MFSD6: variants seen among roughly 807,000 people sequenced by gnomAD.
MFSD6 encodes the protein major facilitator superfamily domain-containing protein 6.
A neutral mutation model predicts 56.3 loss-of-function variants in MFSD6; 26 were observed. That is an observed-to-expected ratio of 0.46 (90% CI 0.34 to 0.64). The LOEUF (loss-of-function observed/expected upper bound fraction) is 0.64. Ranked by LOEUF, MFSD6 falls within the 30% of genes least tolerant of loss-of-function variation. The pLI, the probability that MFSD6 is intolerant of heterozygous loss-of-function variation, is 0.01. For synonymous variants in MFSD6, 331 were observed against 366.9 expected (o/e 0.90, Z 1.12); for missense variants, 750 against 986.2 (o/e 0.76, Z 3.21).
At chr2:190,480,737 A>C (rs189164302) in intron 4 of MFSD6, among the ~76,000 whole-genome samples, 9 of 152,318 alleles carry the variant, frequency 5.9e-5, no homozygotes, top group Admixed American at 3.9e-4. Context: ...AATCTCTCTA[A>C]GCCACAGACT....
In MFSD6 at chr2:190,451,111, C is replaced by T. The variant is rs1365818108; in HGVS notation, c.1532+13550C>T. 6.6e-6 allele frequency among the ~76,000 whole-genome samples: 1 copy of T among 152,168 alleles called. No homozygotes were observed. The highest frequency in any genetic ancestry group is 1.5e-5 in the Non-Finnish European group (1 of 68,026). ...AGTAGTGTAGTAGTTACCCTGTTTT[C>T]TTTTTTCCTTCTTTTTGCCAATTTG... On this transcript the variant is annotated intron_variant, in intron 3 of 7. Transcript: ENST00000392328. This position sits in a 1 kb window ranked among gnomAD's most constrained non-coding sequence, Gnocchi z 5.0.
intron 3 of MFSD6, among the ~76,000 whole-genome samples, chr2:190,440,662 T>A (rs910143737): frequency 1.3e-5 from 2 of 152,232 alleles, no homozygotes; most frequent in East Asian, 3.8e-4. Flanking sequence ...TTAAATTTAT[T>A]TACATTTTAA....
intron 4 of MFSD6, among the ~76,000 whole-genome samples, chr2:190,472,257 T>G (rs1408516803): frequency 2.0e-5 from 3 of 152,084 alleles, no homozygotes; most frequent in Non-Finnish European, 1.5e-5. Flanking sequence ...TTTGATGAGT[T>G]GAGAGAAGGC....
In MFSD6 at chr2:190,437,625, C is replaced by G; in HGVS notation, c.1532+64C>G. 2.0e-6 allele frequency: 3 copies of G among 1,506,548 alleles called. No individual in the cohort carries two copies. In the Admixed American group the frequency reaches 6.1e-5, roughly 31 times the overall value. The allele number at this position is 1,506,548 out of a possible 1,614,324, so 93.3% of individuals were successfully genotyped here. ...AACTTTATCTTTTTATGGTTTATAG[C>G]TCCTTCTACTACAATTTTAAGGTAT... On this transcript the variant is annotated intron_variant, in intron 3 of 7. Coordinates refer to ENST00000392328, the MANE Select transcript of MFSD6 (RefSeq NM_017694.4). The surrounding 1 kb of genome is among the most constrained non-coding windows in gnomAD (Gnocchi z 5.9).
chr2:190,445,759 T>G (rs979874985), intron 3 of MFSD6, among the ~76,000 whole-genome samples: 1 of 152,140 alleles, frequency 6.6e-6, no homozygotes, highest in African/African-American at 2.4e-5. Context: ...AGTTAAGTGC[T>G]TCTCTTTTCA....
At chr2:190,481,697 G>A (rs1414044542) in intron 4 of MFSD6, among the ~76,000 whole-genome samples, 1 of 152,218 alleles carries the variant, frequency 6.6e-6, no homozygotes, top group Non-Finnish European at 1.5e-5. Flanking sequence ...TATAGATGCT[G>A]AGTAAATACT....
At chr2:190,440,096 C>T (rs551716586) in intron 3 of MFSD6, among the ~76,000 whole-genome samples, 18 of 152,178 alleles carry the variant, frequency 1.2e-4, no homozygotes, top group Non-Finnish European at 2.4e-4. Flanking sequence ...TATATTATTT[C>T]AGTACTTTGT....
At position 190,431,219 on chromosome 2, in the gene MFSD6, G is replaced by T. The variant is rs1685983902; in HGVS notation, c.-53-4758G>T. On this transcript the variant is annotated intron_variant, in intron 2 of 7. Coordinates refer to ENST00000392328, the MANE Select transcript of MFSD6 (RefSeq NM_017694.4). This position sits in a 1 kb window ranked among gnomAD's most constrained non-coding sequence, Gnocchi z 4.4. ...GGGAAGAGGCGCTCCTCACTTCCCA[G>T]ACTGGGCAGCCAGGCAGAGGGGCTC... Among the ~76,000 whole-genome samples, 1 of 151,484 alleles carries T rather than the reference G, an allele frequency of 6.6e-6. No individual in the cohort carries two copies. The highest frequency in any genetic ancestry group is 1.5e-5 in the Non-Finnish European group (1 of 67,884).
chr2:190,436,896 G>C lies in MFSD6; in HGVS notation c.867G>C (p.Leu289Phe). Residue 289 changes from leucine to phenylalanine, a missense_variant, in exon 3 of 8, where the codon TTG (leucine) becomes TTC (phenylalanine). By Grantham distance (22) the Leu-to-Phe change is conservative (BLOSUM62 0). Coordinates refer to ENST00000392328, the MANE Select transcript of MFSD6 (RefSeq NM_017694.4). This position sits in a 1 kb window ranked among gnomAD's most constrained non-coding sequence, Gnocchi z 5.3. ...YDQQEVEAIF[L>F]VILVVVIIGE... Reference sequence around the variant, plus strand: ...AACAAGAAGTTGAAGCTATATTCTTGGTGATCTTGGTAGTTGTCATAATAG... The same window carrying C: ...AACAAGAAGTTGAAGCTATATTCTTCGTGATCTTGGTAGTTGTCATAATAG... 1.9e-6 allele frequency: 3 copies of C among 1,614,182 alleles called. No individual in the cohort carries two copies. The highest frequency in any genetic ancestry group is 2.5e-6 in the Non-Finnish European group (3 of 1,180,034).
At position 190,447,474 on chromosome 2, in the gene MFSD6, C is replaced by A. The variant is rs1686625894; in HGVS notation, c.1532+9913C>A. Among the ~76,000 whole-genome samples the A allele has an allele frequency of 6.6e-6, 1 of 152,114 alleles. No individual in the cohort carries two copies. Among genetic ancestry groups the A allele is most frequent in the Non-Finnish European group, 1.5e-5 (1 of 68,016 alleles). On this transcript the variant is annotated intron_variant, in intron 3 of 7. Coordinates refer to ENST00000392328, the MANE Select transcript of MFSD6 (RefSeq NM_017694.4). The surrounding 1 kb of genome is among the most constrained non-coding windows in gnomAD (Gnocchi z 4.5). ...TGCTAATATATGGAGGACACATAGGCCCTATCTTATACATATAGTCTGTGT... is the reference window on the plus strand; with the variant it reads ...TGCTAATATATGGAGGACACATAGGACCTATCTTATACATATAGTCTGTGT...
rs980941303 is a variant in MFSD6 at position 190,502,258 on chromosome 2, C to G, written c.*2040C>G. On this transcript the variant is annotated 3_prime_UTR_variant, in exon 8 of 8. Transcript: ENST00000392328. The surrounding 1 kb of genome is among the most constrained non-coding windows in gnomAD (Gnocchi z 4.4). ...TTGTGGACTTTGTGACTTTTTCTTC[C>G]TGTCCCCAAAGTGCCATATGCTACC... 1 of 152,186 alleles carries G rather than the reference C, an allele frequency of 6.6e-6. No individual in the cohort carries two copies. Among genetic ancestry groups the G allele is most frequent in the African/African-American group, 2.4e-5 (1 of 41,434 alleles). 9.4% of individuals were successfully genotyped at this position (152,186 alleles called of 1,614,324 possible).
Position 190,500,113 on chromosome 2 carries a change from C to G in MFSD6, c.2271C>G (p.Asp757Glu), listed in dbSNP as rs772149258. The change falls in exon 8 of 8, where the codon GAC becomes GAG. Residue 757 changes from aspartate (D) to glutamate (E), a missense_variant. Physicochemically the swap from Asp to Glu is conservative, Grantham distance 45. Coordinates refer to ENST00000392328, the MANE Select transcript of MFSD6 (RefSeq NM_017694.4). The surrounding 1 kb of genome is among the most constrained non-coding windows in gnomAD (Gnocchi z 5.3). ...SDPSRNQPSP[D>E]AAASQTQTSP... is the part of the protein sequence containing the mutation. ...CATCTAGAAACCAGCCATCCCCTGA[C>G]GCAGCAGCATCTCAGACGCAGACCA... 1 of 1,614,200 alleles carries G rather than the reference C, an allele frequency of 6.2e-7. No individual in the cohort carries two copies. Among genetic ancestry groups the G allele is most frequent in the African/African-American group, 1.3e-5 (1 of 75,044 alleles).
chr2:190,489,802 C>T lies in MFSD6; in HGVS notation c.1827C>T (p.Ala609=). Residue 609 remains alanine, a synonymous_variant, in exon 6 of 8, where the codon GCC becomes GCT. Transcript: ENST00000392328. This position sits in a 1 kb window ranked among gnomAD's most constrained non-coding sequence, Gnocchi z 6.6. ...AAATFRGIGM[A]CLVILLLFAL... is the part of the protein sequence containing the mutation. ...CAACCTTCCGAGGAATTGGCATGGC[C>T]TGCTTGGTGATCCTACTGCTCTTTG... 1.2e-6 allele frequency: 2 copies of T among 1,614,166 alleles called. No individual in the cohort carries two copies. Among genetic ancestry groups the T allele is most frequent in the African/African-American group, 2.7e-5 (2 of 75,052 alleles).
intron 1 of MFSD6, among the ~76,000 whole-genome samples, chr2:190,409,132 C>CT (rs1690448203): frequency 6.6e-6 from 1 of 152,168 alleles, no homozygotes; most frequent in Non-Finnish European, 1.5e-5. Flanking sequence ...CCACCTCGTG[C>CT]TTTACTTCCA....
chr2:190,484,005 C>T (rs528258760), intron 4 of MFSD6, among the ~76,000 whole-genome samples: 28 of 152,180 alleles, frequency 1.8e-4, no homozygotes, highest in African/African-American at 6.5e-4. Flanking sequence ...CCTGGGGGAT[C>T]CCAGTAAAGG....
At chr2:190,474,249 A>G (rs1559132257) in intron 4 of MFSD6, among the ~76,000 whole-genome samples, 1 of 152,110 alleles carries the variant, frequency 6.6e-6, no homozygotes, top group African/African-American at 2.4e-5. Context: ...GACACAAAAA[A>G]CCCTTCAAAA....
At chr2:190,420,714 C>G (rs1467527491) in intron 2 of MFSD6, among the ~76,000 whole-genome samples, 13 of 152,090 alleles carry the variant, frequency 8.5e-5, no homozygotes, top group Non-Finnish European at 1.5e-5. Context: ...TGTCCCTGAT[C>G]CTGTGATTAC....
chr2:190,477,432 C>CT (rs751376733), intron 4 of MFSD6: 1 of 882,122 alleles, frequency 1.1e-6, no homozygotes, highest in African/African-American at 1.8e-5. Flanking sequence ...ATGCATATAA[C>CT]TTTTTTATCC....
chr2:190,489,994 C>T lies in MFSD6; in HGVS notation c.1891+128C>T, dbSNP rs926939430. ...CTGTTTGGCTCAATTTTCTGAGTGG[C>T]GTATCGATGAATTCATGTGGACTAT... On this transcript the variant is annotated intron_variant, in intron 6 of 7. Coordinates refer to ENST00000392328, the MANE Select transcript of MFSD6 (RefSeq NM_017694.4). The surrounding 1 kb of genome is among the most constrained non-coding windows in gnomAD (Gnocchi z 6.6). The T allele has an allele frequency of 8.9e-6, 6 of 677,732 alleles. No homozygotes were observed. Among genetic ancestry groups the T allele is most frequent in the African/African-American group, 1.8e-5 (1 of 55,198 alleles). The allele number at this position is 677,732 out of a possible 1,614,324, so 42.0% of individuals were successfully genotyped here.
Sources: allele counts gnomAD v4.1 joint callset (sites outside exome capture counted in the v4.1 genomes callset), GRCh38; gene constraint gnomAD v4.1.1; non-coding constraint Gnocchi (gnomAD v3.1); transcripts MANE v1.5; gene names NCBI Gene and HGNC (gene_info 2026-07-23, HGNC 2026-07-21).